SF3A3: variants seen among roughly 807,000 people sequenced by gnomAD.
SF3A3 encodes the protein SAP 61.
Under a neutral mutation model 85.8 loss-of-function variants are expected in SF3A3, and 9 were observed. That is an observed-to-expected ratio of 0.10 (90% confidence interval 0.06 to 0.18). SF3A3 has a LOEUF of 0.18. SF3A3 is among the 10% of genes least tolerant of loss of function. The pLI is 1.00. For missense variants in SF3A3, 306 were observed against 593.3 expected, an observed-to-expected ratio of 0.52 and a Z score of 5.03; for synonymous variants, 195 against 204.4, an observed-to-expected ratio of 0.95 and a Z score of 0.39.
At chr1:37,967,418 G>A (rs1646309453) in intron 15 of SF3A3, among the ~76,000 whole-genome samples, 1 of 151,856 alleles carries the variant, frequency 6.6e-6, no homozygotes, top group South Asian at 2.1e-4. Flanking sequence ...GGCGGCTCAT[G>A]CCTGTAATCC....
At chr1:37,963,872 T>TAAA (rs771447218) in intron 15 of SF3A3, among the ~76,000 whole-genome samples, 7,759 of 81,722 alleles carry the variant, frequency 0.095, 1,117 homozygotes, top group African/African-American at 0.29. Flanking sequence ...ATGATATTCT[T>TAAA]AAAAAAAAAA....
At position 37,957,594 on chromosome 1, in the gene SF3A3, G is replaced by A. The variant is rs1646229090; in HGVS notation, c.*592C>T. ...CAACCCTCCTGCCTCAGCCTCCCAA[G>A]TAGCTGGGACTACAGGCACAAGCCA... On this transcript the variant is annotated 3_prime_UTR_variant, in exon 17 of 17. Transcript: ENST00000373019. 1 of 150,086 alleles carries A rather than the reference G, an allele frequency of 6.7e-6. No homozygotes were observed. Among genetic ancestry groups the A allele is most frequent in the African/African-American group, 2.5e-5 (1 of 40,446 alleles). 9.3% of individuals were successfully genotyped at this position (150,086 alleles called of 1,614,324 possible). A position where few individuals can be genotyped will look rare whatever the true frequency, so the allele number is the denominator to read the frequency against.
At chr1:37,979,728 G>A (rs529647959) in intron 8 of SF3A3, among the ~76,000 whole-genome samples, 195 bp from the exon 9 acceptor site, 2 of 152,252 alleles carry the variant, frequency 1.3e-5, no homozygotes, top group South Asian at 4.1e-4. Flanking sequence ...ATGATGGCAT[G>A]TGCCTGTGGT....
At chr1:37,987,934 T>G in intron 2 of SF3A3, 98 bp from the exon 3 acceptor site, 5 of 916,372 alleles carry the variant, frequency 5.5e-6, no homozygotes, top group Non-Finnish European at 9.1e-6. Flanking sequence ...CAGGGCAACC[T>G]CAAGAGACAT....
chr1:37,978,785 T>C lies in SF3A3; in HGVS notation c.870A>G (p.Gly290=), dbSNP rs763555517. 5.1e-6 allele frequency: 8 copies of C among 1,573,800 alleles called. No individual in the cohort carries two copies. Among genetic ancestry groups the C allele is most frequent in the South Asian group, 1.2e-5 (1 of 86,192 alleles). ...AGGTATCAAGTGACTCCAGGGACTT[T>C]CCTTTGGTACTGAATAGTCTCTGGG... The part of the protein sequence containing the change: ...ERAQRLFSTK[G]KSLESLDTSL... Residue 290 remains glycine, a synonymous_variant, in exon 11 of 17, where the codon GGA becomes GGG. Coordinates refer to ENST00000373019, the MANE Select transcript of SF3A3 (RefSeq NM_006802.4).
chr1:37,962,911 C>T (rs1295143414), intron 15 of SF3A3, among the ~76,000 whole-genome samples: 1 of 151,704 alleles, frequency 6.6e-6, no homozygotes, highest in South Asian at 2.1e-4. Flanking sequence ...CAAAGTGAAA[C>T]CCCACCTCTA....
intron 15 of SF3A3, among the ~76,000 whole-genome samples, chr1:37,963,252 C>A (rs1646274410): frequency 6.6e-6 from 1 of 152,084 alleles, no homozygotes; most frequent in African/African-American, 2.4e-5. Flanking sequence ...GAGGTAGAGG[C>A]TGCAGTGATC....
At chr1:37,964,185 A>C (rs576939453) in intron 15 of SF3A3, among the ~76,000 whole-genome samples, 8 of 151,792 alleles carry the variant, frequency 5.3e-5, no homozygotes, top group African/African-American at 1.7e-4. Flanking sequence ...CTCAAATAAA[A>C]AACAAGAACA....
intron 15 of SF3A3, among the ~76,000 whole-genome samples, chr1:37,964,049 C>T (rs1157783509): frequency 6.6e-6 from 1 of 151,628 alleles, no homozygotes; most frequent in Non-Finnish European, 1.5e-5. Flanking sequence ...TGTGGTGGCG[C>T]ACGCCTGTAG....
rs1296629722 is a variant in SF3A3, at chr1:37,989,917, G to A, written c.49C>T (p.Arg17Trp). The stretch of plus-strand genomic sequence containing the variant: ...TCTTTAGCCATGACGTCCATGAGCC[G>A]TTCCTTCTCCTCATGATAGCGCCGC... ...QQRRYHEEKE[R>W]LMDVMAKEML... Residue 17 changes from arginine (R) to tryptophan (W), a missense_variant, in exon 1 of 17, where the codon CGG (arginine) becomes TGG (tryptophan). Arg to Trp is a moderately radical substitution (Grantham distance 101). This residue lies in a region of SF3A3 where 152 missense variants were observed against 192.0 expected (regional missense o/e 0.79). Coordinates refer to ENST00000373019, the MANE Select transcript of SF3A3 (RefSeq NM_006802.4). The A allele has an allele frequency of 6.2e-7, 1 of 1,613,610 alleles. No homozygotes were observed. The highest frequency in any genetic ancestry group is 8.5e-7 in the Non-Finnish European group (1 of 1,179,898).
intron 14 of SF3A3, 97 bp downstream of exon 14, chr1:37,969,256 TG>T: frequency 2.3e-6 from 2 of 853,374 alleles, no homozygotes; most frequent in Non-Finnish European, 3.9e-6. Context: ...CCTTCAGCTC[TG>T]GACACCAGTG....
In SF3A3 at chr1:37,983,263, A is replaced by T. The variant is rs1239668780; in HGVS notation, c.468+906T>A. 2.1e-4 allele frequency among the ~76,000 whole-genome samples: 32 copies of T among 151,108 alleles called. No individual in the cohort carries two copies. The East Asian group carries it at 5.4e-3, about 26-fold the overall frequency. On this transcript the variant is annotated intron_variant, in intron 6 of 16. Coordinates refer to ENST00000373019, the MANE Select transcript of SF3A3 (RefSeq NM_006802.4). The stretch of plus-strand genomic sequence containing the variant: ...AGGAACATGGTATTTATTTAAAAAA[A>T]AAAAAAAAAAAAAAAGAATTTAAAG...
intron 15 of SF3A3, among the ~76,000 whole-genome samples, chr1:37,962,084 CA>C (rs869202798): frequency 2.3e-5 from 1 of 43,252 alleles, no homozygotes; most frequent in Non-Finnish European, 3.9e-5. Flanking sequence ...AACTCCGTCT[CA>C]AAAAAACAAA....
intron 8 of SF3A3, 100 bp downstream of exon 8, chr1:37,980,486 G>A: frequency 7.9e-7 from 1 of 1,263,588 alleles, no homozygotes; most frequent in Non-Finnish European, 1.1e-6. Flanking sequence ...TGATACCAAG[G>A]AATTGATACC....
At chr1:37,981,972 T>G (rs1438020131) in intron 6 of SF3A3, among the ~76,000 whole-genome samples, 161 bp from the exon 7 acceptor site, 1 of 152,038 alleles carries the variant, frequency 6.6e-6, no homozygotes, top group African/African-American at 2.4e-5. Context: ...CATTCAATCC[T>G]ACTACAACTG....
rs1264522622 is a variant in SF3A3 at position 37,957,752 on chromosome 1, C to T, written c.*434G>A. On this transcript the variant is annotated 3_prime_UTR_variant, in exon 17 of 17. Transcript: ENST00000373019. Reference sequence around the variant, plus strand: ...GTATTTGCATCAATGGCTAACTAAGCTGATGGCAGACCTCATCCTGGGGTA... The same window carrying T: ...GTATTTGCATCAATGGCTAACTAAGTTGATGGCAGACCTCATCCTGGGGTA... The T allele has an allele frequency of 6.3e-6, 1 of 157,666 alleles. No individual in the cohort carries two copies. The highest frequency in any genetic ancestry group is 1.4e-5 in the Non-Finnish European group (1 of 71,674). 9.8% of individuals were successfully genotyped at this position (157,666 alleles called of 1,614,324 possible). A position where few individuals can be genotyped will look rare whatever the true frequency, so the allele number is the denominator to read the frequency against.
chr1:37,968,540 G>T (rs1194959350), intron 14 of SF3A3, among the ~76,000 whole-genome samples: 2 of 152,192 alleles, frequency 1.3e-5, no homozygotes, highest in Non-Finnish European at 2.9e-5. Context: ...GTAGGTAAAG[G>T]AGAAGACTTT....
chr1:37,981,596 C>G, intron 7 of SF3A3, 133 bp downstream of exon 7: 1 of 692,032 alleles, frequency 1.4e-6, no homozygotes, highest in Non-Finnish European at 2.6e-6. Context: ...ATTCATAACC[C>G]CATCCTCCAA....
chr1:37,971,705 C>T (rs567465776), intron 12 of SF3A3, among the ~76,000 whole-genome samples: 46 of 152,132 alleles, frequency 3.0e-4, no homozygotes, highest in Non-Finnish European at 5.7e-4. Context: ...GTTCAACATA[C>T]GCAAATCAAT....
Sources: gnomAD v4.1 joint callset for allele counts (sites outside exome capture counted in the v4.1 genomes callset) on GRCh38, gnomAD v4.1.1 for gene constraint, gnomAD v4.1.1 regional missense constraint, MANE v1.5 for transcripts, NCBI Gene and HGNC (gene_info 2026-07-23, HGNC 2026-07-21) for gene names.